ECT2L: variants seen among roughly 807,000 people sequenced by gnomAD.
The protein encoded by ECT2L is epithelial cell transforming 2 like.
Under a neutral mutation model 122.8 loss-of-function variants are expected in ECT2L, and 126 were observed. The ratio of observed to expected loss-of-function variants is 1.03; its 90% CI spans 0.89 to 1.19. ECT2L has a LOEUF of 1.19. Among genes scored for constraint, ECT2L ranks in the 50% most tolerant of loss-of-function variants. ECT2L has a pLI of 0.00. For missense variants in ECT2L, 1,012 were observed against 1,064.1 expected (o/e 0.95, Z 0.68); for synonymous variants, 385 against 381.8 (o/e 1.01, Z -0.10).
At chr6:138,891,857 T>C (rs1367122992) in intron 20 of ECT2L, among the ~76,000 whole-genome samples, 1 of 152,224 alleles carries the variant, frequency 6.6e-6, no homozygotes, top group Non-Finnish European at 1.5e-5. Flanking sequence ...GTTTATGTTT[T>C]TGTATTCTCT....
chr6:138,797,398 C>T (rs898814234), intron 1 of ECT2L, among the ~76,000 whole-genome samples: 3 of 152,120 alleles, frequency 2.0e-5, no homozygotes, highest in East Asian at 1.9e-4. Flanking sequence ...TGCAGAAGTA[C>T]GCGCATGTAG....
chr6:138,833,601 G>A (rs1776722220), intron 4 of ECT2L, among the ~76,000 whole-genome samples: 1 of 152,044 alleles, frequency 6.6e-6, no homozygotes, highest in African/African-American at 2.4e-5. Flanking sequence ...TCAGGAGTTT[G>A]AGACCAGCCT....
At chr6:138,804,238 T>A (rs992533376) in intron 1 of ECT2L, among the ~76,000 whole-genome samples, 3 of 152,190 alleles carry the variant, frequency 2.0e-5, no homozygotes, top group Non-Finnish European at 4.4e-5. Flanking sequence ...TATGAAAAAA[T>A]TTTAGATAGT....
chr6:138,837,560 C>A (rs1338278094), intron 4 of ECT2L, among the ~76,000 whole-genome samples: 1 of 151,480 alleles, frequency 6.6e-6, no homozygotes, highest in Admixed American at 6.6e-5. Context: ...TGTGTTAGGT[C>A]CAGTGGGGAA....
At chr6:138,870,539 T>C (rs1399801751) in intron 13 of ECT2L, among the ~76,000 whole-genome samples, 1 of 152,190 alleles carries the variant, frequency 6.6e-6, no homozygotes, top group Non-Finnish European at 1.5e-5. Flanking sequence ...TGCAACATGT[T>C]AACTTGAGTA....
chr6:138,861,982 GCCC>G (rs1278135607), intron 10 of ECT2L, among the ~76,000 whole-genome samples: 1 of 152,116 alleles, frequency 6.6e-6, no homozygotes, highest in Non-Finnish European at 1.5e-5. Flanking sequence ...CAAACTCCAT[GCCC>G]TCTTTCCCCA....
At chr6:138,884,819 T>C (rs1298739102) in intron 16 of ECT2L, among the ~76,000 whole-genome samples, 2 of 152,052 alleles carry the variant, frequency 1.3e-5, no homozygotes, top group African/African-American at 2.4e-5. Flanking sequence ...TTGTTTTTTT[T>C]CCACACCACA....
At chr6:138,806,931 T>G (rs985379296) in intron 1 of ECT2L, among the ~76,000 whole-genome samples, 17 of 152,132 alleles carry the variant, frequency 1.1e-4, no homozygotes, top group African/African-American at 3.9e-4. Flanking sequence ...ATATACTGTA[T>G]TCTCTCAAGA....
Position 138,901,059 on chromosome 6 carries a change from C to T in ECT2L, c.2526C>T (p.Tyr842=), listed in dbSNP as rs377670255. ...TPFERTSKTT[Y]QFIASVALHR... ...TTGAGAGGACTTCAAAAACAACCTA[C>T]CAGTTCATTGCATCAGTGGCCCTTC... Residue 842 remains tyrosine (Y), a synonymous_variant, in exon 21 of 22, where the codon TAC becomes TAT. Transcript: ENST00000541398. 6.8e-6 allele frequency: 11 copies of T among 1,614,050 alleles called. No homozygotes were observed. In the African/African-American group the frequency reaches 1.5e-4, roughly 22 times the overall value.
intron 10 of ECT2L, among the ~76,000 whole-genome samples, 180 bp downstream of exon 10, chr6:138,854,334 A>G (rs1777545533): frequency 1.3e-5 from 2 of 152,188 alleles, no homozygotes; most frequent in South Asian, 4.1e-4. Context: ...GATAGTGATG[A>G]AAGTAACCTG....
At position 138,902,560 on chromosome 6, in the gene ECT2L, T is replaced by C. The variant is rs949506952; in HGVS notation, c.2648T>C (p.Ile883Thr). The C allele has an allele frequency of 6.2e-7, 1 of 1,613,842 alleles. No individual in the cohort carries two copies. Among genetic ancestry groups the C allele is most frequent in the Non-Finnish European group, 8.5e-7 (1 of 1,179,836 alleles). ...PKYKWICATE[I>T]EDDKFLWLSV... ...TATAAATGGATTTGTGCTACAGAAA[T>C]AGAGGATGATAAGTTCCTATGGCTG... is the stretch of plus-strand genomic sequence containing the variant. Residue 883 changes from isoleucine (I) to threonine (T), a missense_variant, in exon 22 of 22, where the codon ATA becomes ACA. Ile to Thr is a moderately conservative substitution (Grantham distance 89). Transcript: ENST00000541398.
intron 5 of ECT2L, among the ~76,000 whole-genome samples, chr6:138,842,724 C>A (rs1380887590): frequency 3.5e-5 from 5 of 141,090 alleles, no homozygotes; most frequent in South Asian, 2.3e-4. Context: ...ATGAGCCGAG[C>A]TCGTGCCACT....
rs539439707 is a variant in ECT2L at position 138,817,537 on chromosome 6, ATTTTG to A, written c.179+2939_179+2943del. On this transcript the variant is annotated intron_variant, in intron 4 of 21. Coordinates refer to ENST00000541398, the MANE Select transcript of ECT2L (RefSeq NM_001077706.3). ...TAGATGGTTTTATAATTTCCAAATAATTTTGTTTTAATTCAGTCAGTTATAAACAG... is the reference window on the plus strand; with the variant it reads ...TAGATGGTTTTATAATTTCCAAATAATTTTAATTCAGTCAGTTATAAACAG... Among the ~76,000 whole-genome samples the A allele has an allele frequency of 4.7e-3, 717 of 152,276 alleles. 1 individual carries two copies. Among genetic ancestry groups the A allele is most frequent in the Non-Finnish European group, 6.4e-3 (438 of 68,006 alleles).
At chr6:138,872,346 G>A (rs1405551318) in intron 13 of ECT2L, among the ~76,000 whole-genome samples, 1 of 152,180 alleles carries the variant, frequency 6.6e-6, no homozygotes. Flanking sequence ...CTAAATCCTG[G>A]GACTAGACAG....
At chr6:138,889,606 C>A (rs1268151987) in intron 20 of ECT2L, among the ~76,000 whole-genome samples, 4 of 152,208 alleles carry the variant, frequency 2.6e-5, no homozygotes, top group South Asian at 2.1e-4. Flanking sequence ...AGGCATGAGC[C>A]ACTGCACCCG....
intron 6 of ECT2L, among the ~76,000 whole-genome samples, chr6:138,844,211 C>G (rs17067951): frequency 0.012 from 1,779 of 152,278 alleles, 39 homozygotes; most frequent in African/African-American, 0.04. Context: ...AGCTTTGTTT[C>G]TTGACCTGAA....
intron 16 of ECT2L, 118 bp from the exon 17 acceptor site, chr6:138,885,388 G>T: frequency 1.1e-6 from 1 of 905,430 alleles, no homozygotes; most frequent in Non-Finnish European, 1.8e-6. Context: ...CTACTAATTG[G>T]TTAGACATAG....
chr6:138,825,966 C>T (rs886798485), intron 4 of ECT2L, among the ~76,000 whole-genome samples: 2 of 152,200 alleles, frequency 1.3e-5, no homozygotes, highest in Middle Eastern at 3.2e-3. Flanking sequence ...CCTTAGTCAA[C>T]GACTCCCACA....
chr6:138,834,438 T>C (rs1370793785), intron 4 of ECT2L, among the ~76,000 whole-genome samples: 1 of 152,190 alleles, frequency 6.6e-6, no homozygotes, highest in African/African-American at 2.4e-5. Flanking sequence ...ATATAAAACA[T>C]GTATAACCAA....
Sources: gnomAD v4.1 joint callset for allele counts (sites outside exome capture counted in the v4.1 genomes callset) on GRCh38, gnomAD v4.1.1 for gene constraint, MANE v1.5 for transcripts, NCBI Gene and HGNC (gene_info 2026-07-23, HGNC 2026-07-21) for gene names.